The following DAAM2 variants were observed in gnomAD, a reference collection of about 807,000 sequenced individuals.
The protein encoded by DAAM2 is dishevelled associated activator of morphogenesis 2.
In DAAM2, 39 loss-of-function variants were observed where a neutral mutation model predicts 120.7. The ratio of observed to expected loss-of-function variants is 0.32; its 90% CI spans 0.25 to 0.42. The LOEUF is 0.42. Among genes scored for constraint, DAAM2 ranks in the 10% least tolerant of loss-of-function variants. The probability of loss-of-function intolerance (pLI) is 1.00; values close to 1 mark genes in which losing one functional copy is unlikely to be tolerated. For synonymous variants in DAAM2, 488 were observed against 524.9 expected (o/e 0.93, Z 0.96); for missense variants, 1,283 against 1,401.7 (o/e 0.92, Z 1.35).
chr6:39,888,817 C>G lies in DAAM2; in HGVS notation c.2145+54C>G, dbSNP rs1191586769. On this transcript the variant is annotated intron_variant, in intron 17 of 24. Coordinates refer to ENST00000274867, the MANE Select transcript of DAAM2 (RefSeq NM_001201427.2). Reference sequence around the variant, plus strand: ...ACTGAACCCAGCGGGCAGCCACGCCCCTTCCCAACAGCCCCCAGGAGGCTG... The same window carrying G: ...ACTGAACCCAGCGGGCAGCCACGCCGCTTCCCAACAGCCCCCAGGAGGCTG... The G allele has an allele frequency of 2.8e-6, 4 of 1,406,932 alleles. No individual in the cohort carries two copies. The African/African-American group carries it at 5.6e-5, about 20-fold the overall frequency. The allele number at this position is 1,406,932 out of a possible 1,614,324, so 87.2% of individuals were successfully genotyped here.
chr6:39,876,171 C>T (rs1764861214), intron 11 of DAAM2, among the ~76,000 whole-genome samples: 1 of 152,284 alleles, frequency 6.6e-6, no homozygotes, highest in East Asian at 1.9e-4. Context: ...CACAGAGAAA[C>T]ATTTAAATCT....
intron 15 of DAAM2, chr6:39,884,656 C>T (rs923769338): frequency 5.2e-5 from 8 of 152,874 alleles, no homozygotes; most frequent in Admixed American, 6.5e-5. Flanking sequence ...TGGGAAGGCC[C>T]GGGGAAGCCT....
rs183790151 is a variant in DAAM2, at chr6:39,860,690, G to A, written c.169-238G>A. Among the ~76,000 whole-genome samples the A allele has an allele frequency of 2.6e-5, 4 of 152,292 alleles. No individual in the cohort carries two copies. The East Asian group carries it at 7.7e-4, about 29-fold the overall frequency. On this transcript the variant is annotated intron_variant, in intron 2 of 24. Transcript: ENST00000274867. ...TGGATTTGCAGAGACAAGGCTGGGG[G>A]TGGACAGGAAGTAAAGGGAGTGCAA...
intron 1 of DAAM2, among the ~76,000 whole-genome samples, chr6:39,801,701 C>T (rs1761868821): frequency 1.3e-5 from 2 of 152,354 alleles, no homozygotes; most frequent in South Asian, 4.1e-4. Flanking sequence ...TATGTACACC[C>T]ATTGTCCATC....
At chr6:39,884,299 G>A (rs1765271671) in intron 15 of DAAM2, 2 of 490,202 alleles carry the variant, frequency 4.1e-6, no homozygotes, top group African/African-American at 1.9e-5. Flanking sequence ...ATGAAGTAGA[G>A]GTGCACAGAC....
intron 1 of DAAM2, among the ~76,000 whole-genome samples, chr6:39,841,759 T>C (rs1413607873): frequency 6.6e-6 from 1 of 151,510 alleles, no homozygotes; most frequent in Non-Finnish European, 1.5e-5. Flanking sequence ...AAATGGGGAG[T>C]CCATTCAAGG....
At chr6:39,838,266 C>T (rs562638450) in intron 1 of DAAM2, among the ~76,000 whole-genome samples, 3 of 152,310 alleles carry the variant, frequency 2.0e-5, no homozygotes, top group Non-Finnish European at 4.4e-5. Context: ...AAGGAGGACA[C>T]ATAAGGCACC....
chr6:39,812,745 A>G (rs1423203860), intron 1 of DAAM2, among the ~76,000 whole-genome samples: 1 of 150,432 alleles, frequency 6.6e-6, no homozygotes, highest in African/African-American at 2.5e-5. Context: ...CACACCCTCA[A>G]CTCCCTTTTC....
At chr6:39,891,783 T>G (rs1454808872) in intron 19 of DAAM2, 61 bp downstream of exon 19, 1 of 1,369,590 alleles carries the variant, frequency 7.3e-7, no homozygotes, top group Non-Finnish European at 1.0e-6. Flanking sequence ...GCAGGGTGGG[T>G]GGGAGCCAGT....
At chr6:39,870,912 C>A (rs1403581433) in intron 8 of DAAM2, among the ~76,000 whole-genome samples, 1 of 152,186 alleles carries the variant, frequency 6.6e-6, no homozygotes, top group Non-Finnish European at 1.5e-5. Context: ...CCCTCTGGTT[C>A]TGTCCCATTA....
chr6:39,867,214 A>T, intron 5 of DAAM2: 1 of 375,490 alleles, frequency 2.7e-6, no homozygotes. Flanking sequence ...AGGAGTGTTC[A>T]GGTTTAACAG....
intron 14 of DAAM2, among the ~76,000 whole-genome samples, chr6:39,881,229 T>C (rs1292575610): frequency 8.9e-6 from 1 of 112,554 alleles, no homozygotes; most frequent in South Asian, 3.5e-4. Flanking sequence ...GTTTCATTTC[T>C]AGACTGGAGA....
At chr6:39,886,460 C>G (rs1042945785) in intron 15 of DAAM2, 1 of 399,302 alleles carries the variant, frequency 2.5e-6, no homozygotes, top group Non-Finnish European at 4.4e-6. Context: ...GAGTTACTCT[C>G]GGGGCTCTGA....
chr6:39,873,475 T>C, intron 10 of DAAM2, 120 bp downstream of exon 10: 1 of 701,362 alleles, frequency 1.4e-6, no homozygotes. Flanking sequence ...CCTGTGCACT[T>C]GCTTTTGGGA....
rs1027627766 is a variant in DAAM2, at chr6:39,878,152, G to A, written c.1302-51G>A. 3 of 1,598,884 alleles carry A rather than the reference G, an allele frequency of 1.9e-6. No individual in the cohort carries two copies. In the East Asian group the frequency reaches 6.7e-5, roughly 36 times the overall value. ...GAAAGATGATGTCTCCTGGGAAGCTGTGAATCAATGGTCAACAATCACATT... is the reference window on the plus strand; with the variant it reads ...GAAAGATGATGTCTCCTGGGAAGCTATGAATCAATGGTCAACAATCACATT... On this transcript the variant is annotated intron_variant, in intron 11 of 24. Transcript: ENST00000274867. The surrounding 1 kb of genome is among the most constrained non-coding windows in gnomAD (Gnocchi z 5.0).
chr6:39,798,784 C>T (rs1761774972), intron 1 of DAAM2, among the ~76,000 whole-genome samples: 1 of 152,104 alleles, frequency 6.6e-6, no homozygotes, highest in Non-Finnish European at 1.5e-5. Context: ...TCAGGTGTCC[C>T]TTTTTTTCTC....
At chr6:39,873,466 C>G (rs1764746425) in intron 10 of DAAM2, 111 bp downstream of exon 10, 2 of 745,150 alleles carry the variant, frequency 2.7e-6, no homozygotes, top group African/African-American at 3.5e-5. Context: ...CCATGTCTCC[C>G]TGTGCACTTG....
chr6:39,877,300 T>C (rs1317360327), intron 11 of DAAM2, among the ~76,000 whole-genome samples: 1 of 152,180 alleles, frequency 6.6e-6, no homozygotes, highest in Non-Finnish European at 1.5e-5. Flanking sequence ...CACAGCAGTG[T>C]TCTTCTTTTG....
chr6:39,903,688 GCTGCCT>G lies in DAAM2; in HGVS notation c.*1652_*1657del. On this transcript the variant is annotated 3_prime_UTR_variant, in exon 25 of 25. Coordinates refer to ENST00000274867, the MANE Select transcript of DAAM2 (RefSeq NM_001201427.2). ...GACTGGTGAGCTGGGCCTACTCTCA[GCTGCCT>G]ATCTTCTGCCTTTCACTTGCATCCA... 1.2e-5 allele frequency: 2 copies of G among 164,596 alleles called. No individual in the cohort carries two copies. Among genetic ancestry groups the G allele is most frequent in the Admixed American group, 5.7e-5 (1 of 17,612 alleles). 10.2% of individuals were successfully genotyped at this position (164,596 alleles called of 1,614,324 possible). A position where few individuals can be genotyped will look rare whatever the true frequency, so the allele number is the denominator to read the frequency against.
Sources: allele counts gnomAD v4.1 joint callset (sites outside exome capture counted in the v4.1 genomes callset), GRCh38; gene constraint gnomAD v4.1.1; non-coding constraint Gnocchi (gnomAD v3.1); transcripts MANE v1.5; gene names NCBI Gene and HGNC (gene_info 2026-07-23, HGNC 2026-07-21).